Variants in NRXN1 observed in about 807,000 individuals in gnomAD.
NRXN1 encodes the protein neurexin-1.
In NRXN1, 39 loss-of-function variants were observed where a neutral mutation model predicts 150.9. The observed-to-expected ratio is 0.26, with a 90% CI of 0.20 to 0.34. The LOEUF is 0.34. NRXN1 is among the 10% of genes least tolerant of loss of function. The probability of loss-of-function intolerance (pLI) is 1.00; values close to 1 mark genes in which losing one functional copy is unlikely to be tolerated. For missense variants in NRXN1, 1,815 were observed against 1,949.9 expected (o/e 0.93, Z 1.30); for synonymous variants, 924 against 757.0 (o/e 1.22, Z -3.62).
At position 50,621,256 on chromosome 2, in the gene NRXN1, G is replaced by A; in HGVS notation, c.1135-7C>T. The A allele has an allele frequency of 6.4e-7, 1 of 1,561,974 alleles. No homozygotes were observed. The highest frequency in any genetic ancestry group is 8.7e-7 in the Non-Finnish European group (1 of 1,150,356). On this transcript the variant is annotated splice_polypyrimidine_tract_variant and splice_region_variant and intron_variant, in intron 6 of 22. Transcript: ENST00000401669. ...CGTGTCCAATGCCTGAGTGCTTTGT[G>A]GAGAAGGGGGGAGAAAGGAAATTAA...
intron 19 of NRXN1, among the ~76,000 whole-genome samples, chr2:50,083,501 T>C (rs942836415): frequency 1.4e-4 from 22 of 152,150 alleles, no homozygotes; most frequent in African/African-American, 3.9e-4. Context: ...CTGAGTGTTA[T>C]AGTTCTTAAA....
At chr2:50,463,573 T>G (rs146188411) in intron 17 of NRXN1, among the ~76,000 whole-genome samples, 1 of 151,940 alleles carries the variant, frequency 6.6e-6, no homozygotes, top group East Asian at 1.9e-4. Context: ...CTTATCATTG[T>G]CATCACCAGT....
rs1405871880 is a variant in NRXN1, at chr2:50,346,711, GC to G, written c.3365-109742del. On this transcript the variant is annotated intron_variant, in intron 17 of 22. Transcript: ENST00000401669. This position sits in a 1 kb window ranked among gnomAD's most constrained non-coding sequence, Gnocchi z 5.0. ...CCCACCGTGTCCGCCTCGCAAGGAT[GC>G]CGGTGACCTGTAGATTGCAATAGGC... 6.2e-7 allele frequency: 1 copy of G among 1,613,724 alleles called. No individual in the cohort carries two copies. The highest frequency in any genetic ancestry group is 8.5e-7 in the Non-Finnish European group (1 of 1,179,794).
intron 21 of NRXN1, among the ~76,000 whole-genome samples, chr2:49,980,354 G>C (rs558044388): frequency 1.3e-5 from 2 of 152,124 alleles, no homozygotes; most frequent in South Asian, 4.1e-4. Context: ...AGAACCTTGG[G>C]ACCATATTGG....
At chr2:50,654,689 C>G (rs376801267) in intron 5 of NRXN1, among the ~76,000 whole-genome samples, 49 of 152,160 alleles carry the variant, frequency 3.2e-4, no homozygotes, top group African/African-American at 1.1e-3. Flanking sequence ...TCTCCAGCAC[C>G]TGTTGTTTCT....
Position 51,028,130 on chromosome 2 carries a change from G to T in NRXN1, c.144C>A (p.Ala48=). The T allele has an allele frequency of 6.4e-7, 1 of 1,564,846 alleles. No individual in the cohort carries two copies. ...GGAAGCTCATCTCGCTCTCGCAGCAGGCGTTCCACTTGGGGAAGCGCGTCC... is the reference window on the plus strand; with the variant it reads ...GGAAGCTCATCTCGCTCTCGCAGCATGCGTTCCACTTGGGGAAGCGCGTCC... ...GQWTRFPKWN[A]CCESEMSFQL... Residue 48 remains alanine, a synonymous_variant, in exon 2 of 23, where the codon GCC becomes GCA. Coordinates refer to ENST00000401669, the MANE Select transcript of NRXN1 (RefSeq NM_001330078.2).
chr2:50,909,235 T>C (rs958165519), intron 5 of NRXN1, among the ~76,000 whole-genome samples: 19 of 151,936 alleles, frequency 1.3e-4, no homozygotes, highest in African/African-American at 4.3e-4. Flanking sequence ...AAGAAAAACT[T>C]TTTAATAATT....
Position 50,329,617 on chromosome 2 carries a change from GTATATATATATATATATATATATA to G in NRXN1, c.3365-92671_3365-92648del, listed in dbSNP as rs1172739306. 1.4e-3 allele frequency among the ~76,000 whole-genome samples: 19 copies of G among 13,988 alleles called. 2 individuals are homozygous for G. Among genetic ancestry groups the G allele is most frequent in the Non-Finnish European group, 2.7e-3 (17 of 6,408 alleles). The allele number at this position is 13,988 out of a possible 152,430, so 9.2% of individuals were successfully genotyped here. ...TGTGTGTGTGTGTGTGTGTGTGTGT[GTATATATATATATATATATATATA>G]TATATATATATATATATATATATAT... On this transcript the variant is annotated intron_variant, in intron 17 of 22. Transcript: ENST00000401669.
intron 5 of NRXN1, among the ~76,000 whole-genome samples, chr2:50,716,759 G>T (rs894942161): frequency 4.6e-5 from 7 of 152,042 alleles, no homozygotes; most frequent in Non-Finnish European, 8.8e-5. Context: ...ACCATGCTAG[G>T]CATCTTTACA....
intron 17 of NRXN1, among the ~76,000 whole-genome samples, chr2:50,316,273 C>T (rs2075596160): frequency 6.6e-6 from 1 of 152,010 alleles, no homozygotes; most frequent in South Asian, 2.1e-4. Flanking sequence ...TCCATTCCAA[C>T]TGAAACCTTA....
At chr2:50,099,254 C>T (rs768990393) in intron 18 of NRXN1, among the ~76,000 whole-genome samples, 3 of 152,018 alleles carry the variant, frequency 2.0e-5, no homozygotes, top group African/African-American at 7.2e-5. Context: ...TTAAAAACAA[C>T]TTTAGGGTAG....
At chr2:50,761,179 T>G (rs993419537) in intron 5 of NRXN1, among the ~76,000 whole-genome samples, 2 of 151,982 alleles carry the variant, frequency 1.3e-5, no homozygotes, top group African/African-American at 4.8e-5. Context: ...ATTTTATTTT[T>G]TATATGCATT....
chr2:49,960,617 A>G (rs929814231), intron 21 of NRXN1, among the ~76,000 whole-genome samples: 3 of 152,210 alleles, frequency 2.0e-5, no homozygotes, highest in Non-Finnish European at 4.4e-5. Context: ...ATTGTGGAGT[A>G]TTTCCTTAAA....
intron 5 of NRXN1, among the ~76,000 whole-genome samples, chr2:50,842,060 C>A (rs1171104684): frequency 6.6e-6 from 1 of 152,190 alleles, no homozygotes; most frequent in South Asian, 2.1e-4. Flanking sequence ...AACTGGACAT[C>A]ATCTCCATTT....
intron 17 of NRXN1, among the ~76,000 whole-genome samples, chr2:50,260,083 A>G (rs1190684749): frequency 6.6e-6 from 1 of 151,852 alleles, no homozygotes; most frequent in Non-Finnish European, 1.5e-5. Context: ...GACCCTCAGC[A>G]TAAAATATTT....
intron 5 of NRXN1, among the ~76,000 whole-genome samples, chr2:50,774,013 G>A (rs1262692332): frequency 6.6e-6 from 1 of 152,124 alleles, no homozygotes; most frequent in Non-Finnish European, 1.5e-5. Flanking sequence ...CTAAATAAAC[G>A]TTTACATCAG....
intron 12 of NRXN1, among the ~76,000 whole-genome samples, chr2:50,518,443 G>A (rs1426585308): frequency 1.3e-5 from 2 of 151,704 alleles, no homozygotes; most frequent in East Asian, 1.9e-4. Flanking sequence ...AACTGAAAAT[G>A]TATTCAGTGT....
chr2:50,241,988 A>G (rs1223359588), intron 17 of NRXN1, among the ~76,000 whole-genome samples: 2 of 151,870 alleles, frequency 1.3e-5, no homozygotes, highest in African/African-American at 4.8e-5. Context: ...GGAGTAGATT[A>G]GCTTCTAACT....
At chr2:50,592,742 A>G (rs1415280057) in intron 8 of NRXN1, among the ~76,000 whole-genome samples, 1 of 152,196 alleles carries the variant, frequency 6.6e-6, no homozygotes, top group Non-Finnish European at 1.5e-5. Context: ...TGATACAGGT[A>G]TCTAGTTCAG....
Sources: allele counts gnomAD v4.1 joint callset (sites outside exome capture counted in the v4.1 genomes callset), GRCh38; gene constraint gnomAD v4.1.1; non-coding constraint Gnocchi (gnomAD v3.1); transcripts MANE v1.5; gene names NCBI Gene and HGNC (gene_info 2026-07-23, HGNC 2026-07-21).